KLF12: variants seen among roughly 807,000 people sequenced by gnomAD.
KLF12 encodes KLF transcription factor 12, also known as Krueppel-like factor 12.
A neutral mutation model predicts 37.8 loss-of-function variants in KLF12; 9 were observed. The ratio of observed to expected loss-of-function variants is 0.24; its 90% confidence interval spans 0.14 to 0.42. KLF12 has a LOEUF of 0.42. Among genes scored for constraint, KLF12 ranks in the 10% least tolerant of loss-of-function variants. The probability of loss-of-function intolerance (pLI) is 1.00; values close to 1 mark genes in which losing one functional copy is unlikely to be tolerated. For missense variants in KLF12, 411 were observed against 516.0 expected (o/e 0.80, Z 1.97); for synonymous variants, 208 against 202.1 (o/e 1.03, Z -0.25).
chr13:73,812,608 T>C (rs530336229), intron 5 of KLF12, among the ~76,000 whole-genome samples: 304 of 152,162 alleles, frequency 2.0e-3, no homozygotes, highest in African/African-American at 6.9e-3. Context: ...GGTTGACTGA[T>C]AGAAAAGCAG....
chr13:73,744,197 T>C (rs1878206653), intron 6 of KLF12, among the ~76,000 whole-genome samples: 1 of 152,114 alleles, frequency 6.6e-6, no homozygotes, highest in Non-Finnish European at 1.5e-5. Flanking sequence ...GTAGCATGGA[T>C]TGGATTAGGA....
chr13:74,082,030 A>G (rs905578850), intron 1 of KLF12, among the ~76,000 whole-genome samples: 1 of 152,058 alleles, frequency 6.6e-6, no homozygotes, highest in African/African-American at 2.4e-5. Flanking sequence ...AAATTCACAT[A>G]AAGAAAAATA....
At chr13:73,780,135 C>T (rs1425545775) in intron 5 of KLF12, among the ~76,000 whole-genome samples, 1 of 152,140 alleles carries the variant, frequency 6.6e-6, no homozygotes, top group Non-Finnish European at 1.5e-5. Flanking sequence ...ATTTCAGACT[C>T]CCACACCACA....
At chr13:74,183,880 G>C in the KLF12 span, among the ~76,000 whole-genome samples, 1 of 152,192 alleles carries the variant, frequency 6.6e-6, no homozygotes, top group Non-Finnish European at 1.5e-5. Context: ...GAGGTTACCA[G>C]TCAGCCAAGA....
intron 1 of KLF12, among the ~76,000 whole-genome samples, chr13:74,047,973 C>A (rs1893591052): frequency 6.6e-6 from 1 of 152,222 alleles, no homozygotes; most frequent in Non-Finnish European, 1.5e-5. Flanking sequence ...GGAAGCTGTG[C>A]TTCCCCAAGC....
rs1395228022 is a variant in KLF12 at position 73,689,337 on chromosome 13, A to T, written c.*6153T>A. On this transcript the variant is annotated 3_prime_UTR_variant, in exon 8 of 8. Coordinates refer to ENST00000377669, the MANE Select transcript of KLF12 (RefSeq NM_007249.5). ...GGTCTGAGTCCATCATGGAAGTCTA[A>T]AGCCTGAATGTTTAATCACAGTCCT... 6.6e-6 allele frequency: 1 copy of T among 151,988 alleles called. No homozygotes were observed. Among genetic ancestry groups the T allele is most frequent in the Non-Finnish European group, 1.5e-5 (1 of 68,002 alleles). 9.4% of individuals were successfully genotyped at this position (151,988 alleles called of 1,614,324 possible). A position where few individuals can be genotyped will look rare whatever the true frequency, so the allele number is the denominator to read the frequency against.
At chr13:74,111,839 T>C (rs1300481632) in intron 1 of KLF12, among the ~76,000 whole-genome samples, 1 of 152,212 alleles carries the variant, frequency 6.6e-6, no homozygotes, top group East Asian at 1.9e-4. Flanking sequence ...GTGAAAGATA[T>C]GTTTTTAAAA....
the KLF12 span, among the ~76,000 whole-genome samples, chr13:74,149,117 T>C: frequency 6.6e-6 from 1 of 152,146 alleles, no homozygotes; most frequent in Non-Finnish European, 1.5e-5. Context: ...GCCTGGCTTG[T>C]TGTTGGATGT....
chr13:73,702,444 C>T (rs1316788179), intron 7 of KLF12, among the ~76,000 whole-genome samples: 2 of 152,180 alleles, frequency 1.3e-5, no homozygotes, highest in Non-Finnish European at 2.9e-5. Context: ...TACATGTGTA[C>T]TGAGACAAAA....
At chr13:74,199,929 G>A in the KLF12 span, among the ~76,000 whole-genome samples, 1 of 152,090 alleles carries the variant, frequency 6.6e-6, no homozygotes, top group Non-Finnish European at 1.5e-5. Flanking sequence ...ATGACATCTA[G>A]TAAGTAATGA....
intron 6 of KLF12, among the ~76,000 whole-genome samples, chr13:73,726,742 C>T (rs1228820726): frequency 6.6e-6 from 1 of 152,166 alleles, no homozygotes; most frequent in Non-Finnish European, 1.5e-5. Context: ...AATAACACTG[C>T]TATAAACATT....
At chr13:74,116,630 T>C (rs1220176938) in intron 1 of KLF12, among the ~76,000 whole-genome samples, 2 of 152,200 alleles carry the variant, frequency 1.3e-5, no homozygotes, top group Non-Finnish European at 2.9e-5. Context: ...TTTCAGAAAG[T>C]ATTTTAATCT....
intron 1 of KLF12, among the ~76,000 whole-genome samples, chr13:74,115,702 C>A (rs1278032283): frequency 1.0e-4 from 14 of 136,966 alleles, no homozygotes; most frequent in South Asian, 2.4e-4. Flanking sequence ...AAAACTCTGA[C>A]AAAAAAAAAA....
the KLF12 span, among the ~76,000 whole-genome samples, chr13:74,298,331 T>C: frequency 2.0e-5 from 3 of 152,296 alleles, no homozygotes; most frequent in Middle Eastern, 3.4e-3. Context: ...GATATAGAAG[T>C]AGACTGTGAA....
At chr13:73,741,177 T>C (rs1566333912) in intron 6 of KLF12, among the ~76,000 whole-genome samples, 1 of 152,210 alleles carries the variant, frequency 6.6e-6, no homozygotes, top group East Asian at 1.9e-4. Context: ...AGAAGGAAAT[T>C]TGACTGCATC....
chr13:74,012,837 T>TC (rs1892585590), intron 1 of KLF12, among the ~76,000 whole-genome samples: 1 of 152,160 alleles, frequency 6.6e-6, no homozygotes, highest in African/African-American at 2.4e-5. Context: ...ATCTAACCAC[T>TC]CATCATTTTT....
At chr13:73,812,078 TGGC>T (rs1882967402) in intron 5 of KLF12, among the ~76,000 whole-genome samples, 1 of 152,142 alleles carries the variant, frequency 6.6e-6, no homozygotes, top group Non-Finnish European at 1.5e-5. Context: ...GCAATAACAG[TGGC>T]TATTTAAACC....
At position 73,846,348 on chromosome 13, in the gene KLF12, T is replaced by C. The variant is rs1885021667; in HGVS notation, c.149A>G (p.Asp50Gly). The stretch of plus-strand genomic sequence containing the variant: ...TAGCAACAGGGGAACGGCTTCCATA[T>C]CGGGATAGTTGTGGACGTTTGGAGA... Residue 50 changes from aspartate (D) to glycine (G), a missense_variant, in exon 4 of 8, where the codon GAT becomes GGT. Coordinates refer to ENST00000377669, the MANE Select transcript of KLF12 (RefSeq NM_007249.5). The C allele has an allele frequency of 6.2e-7, 1 of 1,613,328 alleles. No homozygotes were observed. Among genetic ancestry groups the C allele is most frequent in the Admixed American group, 1.7e-5 (1 of 59,988 alleles).
intron 6 of KLF12, among the ~76,000 whole-genome samples, chr13:73,756,669 T>C (rs1249686327): frequency 1.3e-5 from 2 of 152,168 alleles, no homozygotes; most frequent in Non-Finnish European, 2.9e-5. Context: ...GAGTAGTCTT[T>C]CCCATCATTT....
Sources: allele counts gnomAD v4.1 joint callset (sites outside exome capture counted in the v4.1 genomes callset), GRCh38; gene constraint gnomAD v4.1.1; transcripts MANE v1.5; gene names NCBI Gene and HGNC (gene_info 2026-07-23, HGNC 2026-07-21).